CACNA1A: variants seen among roughly 807,000 people sequenced by gnomAD.
CACNA1A encodes calcium voltage-gated channel subunit alpha1 A.
In CACNA1A, 57 loss-of-function variants were observed where a neutral mutation model predicts 262.4. The ratio of observed to expected loss-of-function variants is 0.22; its 90% CI spans 0.18 to 0.27. CACNA1A has a LOEUF of 0.27. CACNA1A is among the 10% of genes least tolerant of loss of function. The probability of loss-of-function intolerance (pLI) is 1.00; values close to 1 mark genes in which losing one functional copy is unlikely to be tolerated. For synonymous variants in CACNA1A, 1,431 were observed against 1,419.3 expected (o/e 1.01, Z -0.18); for missense variants, 2,526 against 3,562.8 (o/e 0.71, Z 7.41).
At chr19:13,269,561 G>A (rs948408102) in intron 24 of CACNA1A, among the ~76,000 whole-genome samples, 1 of 152,206 alleles carries the variant, frequency 6.6e-6, no homozygotes, top group South Asian at 2.1e-4. Flanking sequence ...TGATCAAGGC[G>A]CTCTGCCAGT....
At chr19:13,413,163 G>C (rs2060142945) in intron 3 of CACNA1A, among the ~76,000 whole-genome samples, 2 of 150,980 alleles carry the variant, frequency 1.3e-5, no homozygotes, top group African/African-American at 4.9e-5. Context: ...CTGGAGTGCA[G>C]TGGCGTGATC....
intron 31 of CACNA1A, among the ~76,000 whole-genome samples, chr19:13,237,079 G>T (rs142345155): frequency 6.6e-6 from 1 of 152,118 alleles, no homozygotes; most frequent in Non-Finnish European, 1.5e-5. Context: ...GGCCTGCTGC[G>T]ATTGCTCCCT....
intron 3 of CACNA1A, chr19:13,452,650 C>A (rs1375571026): frequency 7.2e-6 from 3 of 416,666 alleles, no homozygotes; most frequent in African/African-American, 2.0e-5. Flanking sequence ...ACTCTGGAAG[C>A]AGCCAACAAT....
At chr19:13,446,865 A>G (rs561890604) in intron 3 of CACNA1A, among the ~76,000 whole-genome samples, 1 of 152,002 alleles carries the variant, frequency 6.6e-6, no homozygotes, top group Admixed American at 6.6e-5. Flanking sequence ...CTGGAATTCC[A>G]GGTGCTTGCC....
intron 10 of CACNA1A, among the ~76,000 whole-genome samples, chr19:13,329,535 CTG>C (rs2058431147): frequency 7.1e-6 from 1 of 140,144 alleles, no homozygotes; most frequent in African/African-American, 2.8e-5. Flanking sequence ...GTTGCCCAGG[CTG>C]GAGGGCAGTG....
rs572789497 is a variant in CACNA1A, at chr19:13,290,268, C to T, written c.3090-3302G>A. Among the ~76,000 whole-genome samples, 3 of 152,106 alleles carry T rather than the reference C, an allele frequency of 2.0e-5. No individual in the cohort carries two copies. In the East Asian group the frequency reaches 5.8e-4, roughly 30 times the overall value. The stretch of plus-strand genomic sequence containing the variant: ...GGTAAATTCTAAACCAATATTTCCT[C>T]AACATCTTGGACAGTCCACAAAGAA... On this transcript the variant is annotated intron_variant, in intron 19 of 46. Coordinates refer to ENST00000360228, the MANE Select transcript of CACNA1A (RefSeq NM_001127222.2).
chr19:13,254,279 CAG>C (rs1159977938), intron 29 of CACNA1A, among the ~76,000 whole-genome samples: 5 of 151,982 alleles, frequency 3.3e-5, no homozygotes, highest in Admixed American at 1.3e-4. Context: ...GAAAGGTTTT[CAG>C]AGTTTTTTTT....
intron 3 of CACNA1A, among the ~76,000 whole-genome samples, chr19:13,420,995 A>G (rs557970924): frequency 6.6e-6 from 1 of 152,234 alleles, no homozygotes; most frequent in African/African-American, 2.4e-5. Context: ...TGGTATGATC[A>G]CATGATTAAG....
rs1212554006 is a variant in CACNA1A, at chr19:13,241,134, C to T, written c.4950+4048G>A. Among the ~76,000 whole-genome samples, 1 of 152,058 alleles carries T rather than the reference C, an allele frequency of 6.6e-6. No homozygotes were observed. The highest frequency in any genetic ancestry group is 1.5e-5 in the Non-Finnish European group (1 of 68,006). ...TTCCTGGGGCCTGGGGTCCATGGAG[C>T]TGAATGGGGGACAGGAGTGGTGAGA... On this transcript the variant is annotated intron_variant, in intron 31 of 46. Transcript: ENST00000360228. The surrounding 1 kb of genome is among the most constrained non-coding windows in gnomAD (Gnocchi z 4.0).
intron 29 of CACNA1A, 135 bp downstream of exon 29, chr19:13,254,960 C>A: frequency 1.2e-6 from 1 of 866,622 alleles, no homozygotes; most frequent in Non-Finnish European, 1.8e-6. Flanking sequence ...GTAGAGGGAA[C>A]AGCAGGAACA....
At chr19:13,406,465 TTATATATATATATATATATATATATATA>T (rs61273249) in intron 3 of CACNA1A, among the ~76,000 whole-genome samples, 3,744 of 31,594 alleles carry the variant, frequency 0.12, 357 homozygotes, top group African/African-American at 0.26. Flanking sequence ...AAAAAAAAAA[TTATATATATATATATATATATATATATA>T]TATATATATA....
At chr19:13,299,383 C>T (rs772775735) in intron 18 of CACNA1A, 30 bp from the exon 19 acceptor site, 13 of 1,587,102 alleles carry the variant, frequency 8.2e-6, no homozygotes, top group Non-Finnish European at 1.0e-5. Flanking sequence ...GGACTTAGAG[C>T]ATTGCTAGGC....
At chr19:13,350,652 CTTG>C (rs1568561367) in intron 6 of CACNA1A, among the ~76,000 whole-genome samples, 3 of 152,076 alleles carry the variant, frequency 2.0e-5, no homozygotes, top group South Asian at 2.1e-4. Context: ...ATCGCTGGGA[CTTG>C]TTGTTGATGT....
rs527246699 is a variant in CACNA1A, at chr19:13,335,850, G to A, written c.1038C>T (p.Ile346=). The change falls in exon 7 of 47, where the codon ATC becomes ATT. Residue 346 remains isoleucine, a synonymous_variant. Transcript: ENST00000360228. The part of the protein sequence containing the change: ...NWLYFIPLII[I]GSFFMLNLVL... ...CAAGGTTCAGCATAAAAAAGGAGCCGATGATGATGAGGGGGATGAAGTACA... is the reference window on the plus strand; with the variant it reads ...CAAGGTTCAGCATAAAAAAGGAGCCAATGATGATGAGGGGGATGAAGTACA... 42 of 1,611,012 alleles carry A rather than the reference G, an allele frequency of 2.6e-5. No individual in the cohort carries two copies. The East Asian group carries it at 3.6e-4, about 14-fold the overall frequency.
intron 3 of CACNA1A, among the ~76,000 whole-genome samples, chr19:13,425,153 T>C (rs1461173544): frequency 1.3e-5 from 2 of 152,156 alleles, no homozygotes; most frequent in Non-Finnish European, 2.9e-5. Flanking sequence ...CTGACTCTCT[T>C]GCTGAAAACG....
At chr19:13,361,446 G>A (rs940650330) in intron 5 of CACNA1A, among the ~76,000 whole-genome samples, 1 of 152,176 alleles carries the variant, frequency 6.6e-6, no homozygotes, top group Non-Finnish European at 1.5e-5. Context: ...ACCTTATTCT[G>A]TGAGCGATGC....
At chr19:13,310,471 A>T (rs1479120436) in intron 12 of CACNA1A, among the ~76,000 whole-genome samples, 2 of 41,456 alleles carry the variant, frequency 4.8e-5, no homozygotes, top group South Asian at 1.5e-3. Flanking sequence ...AAAAAAAAAA[A>T]AAAAAAAAAA....
At chr19:13,394,203 C>T (rs1338680703) in intron 3 of CACNA1A, among the ~76,000 whole-genome samples, 1 of 152,036 alleles carries the variant, frequency 6.6e-6, no homozygotes, top group Non-Finnish European at 1.5e-5. Flanking sequence ...CTCTACTTTC[C>T]AGGTCAGAGA....
intron 3 of CACNA1A, among the ~76,000 whole-genome samples, chr19:13,436,267 C>A (rs1449301446): frequency 6.6e-6 from 1 of 152,138 alleles, no homozygotes; most frequent in Admixed American, 6.6e-5. Flanking sequence ...GCTGCTGAGG[C>A]GAGTGTGATT....
Sources: allele counts gnomAD v4.1 joint callset (sites outside exome capture counted in the v4.1 genomes callset), GRCh38; gene constraint gnomAD v4.1.1; non-coding constraint Gnocchi (gnomAD v3.1); transcripts MANE v1.5; gene names NCBI Gene and HGNC (gene_info 2026-07-23, HGNC 2026-07-21).